The following ZFAT variants were observed in gnomAD, a reference collection of about 807,000 sequenced individuals.
ZFAT encodes zinc finger and AT-hook domain containing, also known as zinc finger protein ZFAT.
A neutral mutation model predicts 117.7 loss-of-function variants in ZFAT; 64 were observed. That is an observed-to-expected ratio of 0.54 (90% CI 0.44 to 0.67). The LOEUF is 0.67. Among genes scored for constraint, ZFAT ranks in the 30% least tolerant of loss-of-function variants. The pLI is 0.00. For synonymous variants in ZFAT, 679 were observed against 615.0 expected, an observed-to-expected ratio of 1.10 and a Z score of -1.54; for missense variants, 1,433 against 1,584.5, an observed-to-expected ratio of 0.90 and a Z score of 1.62.
chr8:134,820,602 T>C, the ZFAT span, among the ~76,000 whole-genome samples: 1 of 152,350 alleles, frequency 6.6e-6, no homozygotes, highest in East Asian at 1.9e-4. Flanking sequence ...TAAGTCATGC[T>C]GGTTCCATGA....
At chr8:134,523,096 T>G (rs1820778637) in intron 12 of ZFAT, among the ~76,000 whole-genome samples, 1 of 152,218 alleles carries the variant, frequency 6.6e-6, no homozygotes, top group African/African-American at 2.4e-5. Context: ...ACAAGCAGTT[T>G]AAGATTCCTC....
intron 1 of ZFAT, among the ~76,000 whole-genome samples, chr8:134,698,541 C>G (rs1033544425): frequency 6.6e-6 from 1 of 152,172 alleles, no homozygotes; most frequent in South Asian, 2.1e-4. Flanking sequence ...ATGTTCCTTG[C>G]ATCCAAGAAT....
chr8:134,568,654 C>T (rs1202651277), intron 10 of ZFAT, among the ~76,000 whole-genome samples: 1 of 152,170 alleles, frequency 6.6e-6, no homozygotes, highest in African/African-American at 2.4e-5. Context: ...GATGTACTTC[C>T]AAGGCTCTGC....
chr8:134,657,754 G>C lies in ZFAT; in HGVS notation c.20-17C>G. On this transcript the variant is annotated splice_polypyrimidine_tract_variant and intron_variant, in intron 1 of 15. Transcript: ENST00000377838. Reference sequence around the variant, plus strand: ...CCGTGTTTTCTGTAAGGAAAAAAAAGGAAAATATGTTATTTCATCTCCACA... The same window carrying C: ...CCGTGTTTTCTGTAAGGAAAAAAAACGAAAATATGTTATTTCATCTCCACA... 6.2e-7 allele frequency: 1 copy of C among 1,606,028 alleles called. No individual in the cohort carries two copies. Among genetic ancestry groups the C allele is most frequent in the Non-Finnish European group, 8.5e-7 (1 of 1,175,890 alleles).
At chr8:134,702,354 A>G (rs539834945) in intron 1 of ZFAT, among the ~76,000 whole-genome samples, 1 of 152,226 alleles carries the variant, frequency 6.6e-6, no homozygotes, top group Non-Finnish European at 1.5e-5. Flanking sequence ...GCTACCTTTT[A>G]TGGTAAGTTG....
At chr8:134,743,258 G>A in the ZFAT span, among the ~76,000 whole-genome samples, 1 of 152,206 alleles carries the variant, frequency 6.6e-6, no homozygotes, top group Non-Finnish European at 1.5e-5. Context: ...GGAGGCAGAG[G>A]TGGGTGGATC....
chr8:134,698,115 G>C (rs1288592047), intron 1 of ZFAT, among the ~76,000 whole-genome samples: 1 of 151,706 alleles, frequency 6.6e-6, no homozygotes, highest in Non-Finnish European at 1.5e-5. Flanking sequence ...CTGAGGTCAG[G>C]AGTTCGAGAC....
intron 10 of ZFAT, among the ~76,000 whole-genome samples, chr8:134,576,335 A>T (rs1038427171): frequency 1.9e-4 from 29 of 152,194 alleles, no homozygotes; most frequent in African/African-American, 6.8e-4. Context: ...ATTAAACAGT[A>T]TTTGTGGGCC....
At chr8:134,658,892 C>T (rs965135880) in intron 1 of ZFAT, among the ~76,000 whole-genome samples, 1 of 152,192 alleles carries the variant, frequency 6.6e-6, no homozygotes, top group Non-Finnish European at 1.5e-5. Context: ...TCCATAGGAA[C>T]TTTGGGGATG....
At chr8:134,661,892 G>A (rs770638144) in intron 1 of ZFAT, among the ~76,000 whole-genome samples, 11 of 152,200 alleles carry the variant, frequency 7.2e-5, no homozygotes, top group African/African-American at 2.7e-4. Flanking sequence ...TTCAGCTACA[G>A]TAGGGCAGAG....
At chr8:134,575,996 T>G (rs935056327) in intron 10 of ZFAT, among the ~76,000 whole-genome samples, 1 of 152,110 alleles carries the variant, frequency 6.6e-6, no homozygotes, top group South Asian at 2.1e-4. Context: ...TACATCAGTT[T>G]TGATATAAGG....
At chr8:134,515,397 G>A (rs546839922) in intron 13 of ZFAT, among the ~76,000 whole-genome samples, 3 of 152,232 alleles carry the variant, frequency 2.0e-5, no homozygotes, top group Non-Finnish European at 1.5e-5. Flanking sequence ...CGTCTTCCAC[G>A]ACGGGCAAAC....
At chr8:134,630,315 CTTT>C (rs2131066040) in intron 3 of ZFAT, among the ~76,000 whole-genome samples, 1 of 152,354 alleles carries the variant, frequency 6.6e-6, no homozygotes, top group South Asian at 2.1e-4. Flanking sequence ...CACTATCCAT[CTTT>C]CCACAGACAA....
intron 3 of ZFAT, among the ~76,000 whole-genome samples, chr8:134,621,445 T>C (rs563058880): frequency 5.9e-5 from 9 of 152,304 alleles, no homozygotes; most frequent in South Asian, 2.1e-4. Context: ...TCTACTATTA[T>C]GTACATGGCA....
At chr8:134,806,728 A>AT in the ZFAT span, among the ~76,000 whole-genome samples, 1 of 152,200 alleles carries the variant, frequency 6.6e-6, no homozygotes, top group South Asian at 2.1e-4. Context: ...TTATGAAGGA[A>AT]TTTTGTCAAA....
chr8:134,683,320 A>G (rs1833157522), intron 1 of ZFAT, among the ~76,000 whole-genome samples: 1 of 152,230 alleles, frequency 6.6e-6, no homozygotes, highest in Non-Finnish European at 1.5e-5. Flanking sequence ...CTAAGAATCA[A>G]ATACAGGCCT....
At chr8:134,767,754 G>A in the ZFAT span, among the ~76,000 whole-genome samples, 1 of 152,092 alleles carries the variant, frequency 6.6e-6, no homozygotes, top group East Asian at 1.9e-4. Context: ...TCTCTATTTT[G>A]TGCCTTTAAA....
the ZFAT span, among the ~76,000 whole-genome samples, chr8:134,748,022 G>A: frequency 6.6e-6 from 1 of 152,184 alleles, no homozygotes; most frequent in Non-Finnish European, 1.5e-5. Flanking sequence ...AATATCTGGG[G>A]TTTCAGAAAT....
intron 11 of ZFAT, among the ~76,000 whole-genome samples, chr8:134,559,424 T>G (rs1451644941): frequency 6.6e-6 from 1 of 152,234 alleles, no homozygotes; most frequent in African/African-American, 2.4e-5. Context: ...ATCATTCTGT[T>G]GTTTGTGTGC....
Sources: gnomAD v4.1 joint callset for allele counts (sites outside exome capture counted in the v4.1 genomes callset) on GRCh38, gnomAD v4.1.1 for gene constraint, MANE v1.5 for transcripts, NCBI Gene and HGNC (gene_info 2026-07-23, HGNC 2026-07-21) for gene names.